Variants in ZFHX3 observed in about 807,000 individuals in gnomAD.
ZFHX3 encodes zinc finger homeobox protein 3.
In ZFHX3, 42 loss-of-function variants were observed where a neutral mutation model predicts 279.1. That is an observed-to-expected ratio of 0.15 (90% CI 0.12 to 0.19). The LOEUF (loss-of-function observed/expected upper bound fraction) is 0.19. Among genes scored for constraint, ZFHX3 ranks in the 10% least tolerant of loss-of-function variants. The pLI, the probability that ZFHX3 is intolerant of heterozygous loss-of-function variation, is 1.00. For synonymous variants in ZFHX3, 2,293 were observed against 1,957.8 expected, an observed-to-expected ratio of 1.17 and a Z score of -4.52; for missense variants, 4,981 against 4,754.0, an observed-to-expected ratio of 1.05 and a Z score of -1.40.
chr16:73,531,762 A>G (rs936318677), intron 2 of ZFHX3, among the ~76,000 whole-genome samples: 10 of 150,530 alleles, frequency 6.6e-5, no homozygotes, highest in Admixed American at 4.7e-4. Flanking sequence ...ATGGATGTGA[A>G]CTGCAGATTT....
At chr16:72,975,062 G>T (rs946616315) in intron 1 of ZFHX3, among the ~76,000 whole-genome samples, 1 of 152,156 alleles carries the variant, frequency 6.6e-6, no homozygotes, top group Non-Finnish European at 1.5e-5. Context: ...CCACCAGGAC[G>T]CAAGGGCTTT....
At chr16:73,114,804 G>T (rs1310694409) in intron 7 of ZFHX3, among the ~76,000 whole-genome samples, 1 of 152,206 alleles carries the variant, frequency 6.6e-6, no homozygotes, top group Non-Finnish European at 1.5e-5. Flanking sequence ...CACAGGCAAA[G>T]GATTACTGCT....
intron 1 of ZFHX3, among the ~76,000 whole-genome samples, chr16:73,862,607 T>A (rs1442317944): frequency 6.6e-6 from 1 of 152,004 alleles, no homozygotes; most frequent in African/African-American, 2.4e-5. Flanking sequence ...AGACCCCATC[T>A]CCACAAAAAA....
intron 1 of ZFHX3, among the ~76,000 whole-genome samples, chr16:73,756,722 C>T (rs2053812818): frequency 7.0e-6 from 1 of 143,682 alleles, no homozygotes; most frequent in Admixed American, 7.0e-5. Flanking sequence ...ACCACCCCTG[C>T]CCCACCCCCG....
intron 3 of ZFHX3, among the ~76,000 whole-genome samples, chr16:72,943,249 T>C (rs966465984): frequency 6.6e-6 from 1 of 152,142 alleles, no homozygotes; most frequent in African/African-American, 2.4e-5. Flanking sequence ...AAGTCACAAA[T>C]AGGGCCAGGC....
chr16:73,090,146 C>T (rs998284137), intron 8 of ZFHX3, among the ~76,000 whole-genome samples: 9 of 152,252 alleles, frequency 5.9e-5, no homozygotes, highest in Non-Finnish European at 1.0e-4. Context: ...GTAATCCCAG[C>T]ACTTCGGGAG....
chr16:73,745,195 G>A (rs981582349), intron 1 of ZFHX3, among the ~76,000 whole-genome samples: 3 of 152,132 alleles, frequency 2.0e-5, no homozygotes, highest in South Asian at 4.1e-4. Flanking sequence ...ATATTTGAGA[G>A]ACCTTTTTCC....
At chr16:73,038,234 C>A (rs577007931) in intron 1 of ZFHX3, among the ~76,000 whole-genome samples, 1 of 152,202 alleles carries the variant, frequency 6.6e-6, no homozygotes, top group Non-Finnish European at 1.5e-5. Context: ...CCCCACCCCC[C>A]CAACTATCCA....
At chr16:73,038,203 G>A (rs1964981555) in intron 1 of ZFHX3, among the ~76,000 whole-genome samples, 1 of 151,990 alleles carries the variant, frequency 6.6e-6, no homozygotes, top group African/African-American at 2.4e-5. Context: ...AGAGTCCACG[G>A]GGCCCTCGGG....
intron 1 of ZFHX3, among the ~76,000 whole-genome samples, chr16:73,793,384 C>T (rs748760077): frequency 3.3e-5 from 5 of 152,186 alleles, no homozygotes; most frequent in South Asian, 2.1e-4. Flanking sequence ...GTGTTGGTCA[C>T]GTGAGACAAT....
Position 72,811,993 on chromosome 16 carries a change from G to A in ZFHX3, c.3575C>T (p.Thr1192Ile), listed in dbSNP as rs547611984. The A allele has an allele frequency of 1.1e-5, 17 of 1,614,174 alleles. No individual in the cohort carries two copies. In the African/African-American group the frequency reaches 2.3e-4, roughly 22 times the overall value. Residue 1192 changes from threonine (T) to isoleucine (I), a missense_variant, in exon 6 of 10, where the codon ACC becomes ATC. By Grantham distance (89) the Thr-to-Ile change is moderately conservative (BLOSUM62 -1). Coordinates refer to ENST00000268489, the MANE Select transcript of ZFHX3 (RefSeq NM_006885.4). ...ACCTGGGAAGGAGATGCGTTTGGAG[G>A]TTGCAGGAGAATCTGTCAGCTCCTT... ...AEKELTDSPATSKRISFPGSS... is the reference protein window; with the variant it reads ...AEKELTDSPAISKRISFPGSS...
intron 5 of ZFHX3, among the ~76,000 whole-genome samples, chr16:73,199,367 G>A (rs1346325615): frequency 6.6e-6 from 1 of 152,166 alleles, no homozygotes. Context: ...AAAATGAAAC[G>A]GTAGCACCAA....
chr16:73,522,294 C>G (rs1369040916), intron 2 of ZFHX3, among the ~76,000 whole-genome samples: 2 of 152,172 alleles, frequency 1.3e-5, no homozygotes, highest in Non-Finnish European at 2.9e-5. Context: ...TAATGAACTT[C>G]CTTTGAAGCA....
chr16:73,381,762 C>T (rs1171744333), intron 3 of ZFHX3, among the ~76,000 whole-genome samples: 2 of 152,182 alleles, frequency 1.3e-5, no homozygotes, highest in Non-Finnish European at 2.9e-5. Context: ...AGTTGATGTG[C>T]TAAAAATAAG....
At chr16:73,528,162 G>C (rs901494008) in intron 2 of ZFHX3, among the ~76,000 whole-genome samples, 5 of 152,208 alleles carry the variant, frequency 3.3e-5, no homozygotes, top group African/African-American at 1.2e-4. Flanking sequence ...ATTTGGTTCT[G>C]TTCGTGGGAA....
chr16:73,478,849 G>A (rs1187250017), intron 2 of ZFHX3, among the ~76,000 whole-genome samples: 1 of 152,068 alleles, frequency 6.6e-6, no homozygotes, highest in Non-Finnish European at 1.5e-5. Flanking sequence ...TCAGGAGTTC[G>A]AGACCAGCCT....
intron 2 of ZFHX3, among the ~76,000 whole-genome samples, chr16:73,460,787 C>T (rs1052805677): frequency 2.0e-5 from 3 of 152,140 alleles, no homozygotes; most frequent in African/African-American, 7.2e-5. Flanking sequence ...ACAGTGAGTT[C>T]TCGTGAGATC....
At chr16:73,765,180 A>G (rs1356018975) in intron 1 of ZFHX3, among the ~76,000 whole-genome samples, 1 of 152,068 alleles carries the variant, frequency 6.6e-6, no homozygotes, top group Non-Finnish European at 1.5e-5. Context: ...ACTCATTCAC[A>G]TTGATTGATC....
intron 1 of ZFHX3, among the ~76,000 whole-genome samples, chr16:72,960,920 G>A (rs1406833082): frequency 6.6e-6 from 1 of 152,056 alleles, no homozygotes; most frequent in African/African-American, 2.4e-5. Flanking sequence ...TCTAAAAACT[G>A]GCTCAGTGCT....
Sources: gnomAD v4.1 joint callset for allele counts (sites outside exome capture counted in the v4.1 genomes callset) on GRCh38, gnomAD v4.1.1 for gene constraint, MANE v1.5 for transcripts, NCBI Gene and HGNC (gene_info 2026-07-23, HGNC 2026-07-21) for gene names.